The following NRXN1 variants were observed in gnomAD, a reference collection of about 807,000 sequenced individuals.
The protein encoded by NRXN1 is neurexin-1.
NRXN1 carries 39 observed loss-of-function variants against 150.9 expected under a neutral mutation model. The observed-to-expected ratio is 0.26, with a 90% CI of 0.20 to 0.34. The LOEUF (loss-of-function observed/expected upper bound fraction) is 0.34, where lower values mean the gene tolerates loss of function less well. Among genes scored for constraint, NRXN1 ranks in the 10% least tolerant of loss-of-function variants. The probability of loss-of-function intolerance (pLI) is 1.00; values close to 1 mark genes in which losing one functional copy is unlikely to be tolerated. For synonymous variants in NRXN1, 924 were observed against 757.0 expected (o/e 1.22, Z -3.62); for missense variants, 1,815 against 1,949.9 (o/e 0.93, Z 1.30).
chr2:50,904,767 A>C lies in NRXN1; in HGVS notation c.832+17102T>G, dbSNP rs1356374314. Among the ~76,000 whole-genome samples, 3 of 152,074 alleles carry C rather than the reference A, an allele frequency of 2.0e-5. No homozygotes were observed. The East Asian group carries it at 5.8e-4, about 29-fold the overall frequency. On this transcript the variant is annotated intron_variant, in intron 5 of 22. Coordinates refer to ENST00000401669, the MANE Select transcript of NRXN1 (RefSeq NM_001330078.2). ...AATTTTCATATTCCCTTTTCATTATAATCTCTATCCTGAGAACCATATTCA... is the reference window on the plus strand; with the variant it reads ...AATTTTCATATTCCCTTTTCATTATCATCTCTATCCTGAGAACCATATTCA...
At chr2:50,763,004 T>C (rs1701981236) in intron 5 of NRXN1, among the ~76,000 whole-genome samples, 1 of 151,942 alleles carries the variant, frequency 6.6e-6, no homozygotes, top group Non-Finnish European at 1.5e-5. Context: ...AATAGGCTAC[T>C]TACCTTTTGT....
intron 5 of NRXN1, among the ~76,000 whole-genome samples, chr2:50,643,507 A>G (rs1684355917): frequency 6.6e-6 from 1 of 151,882 alleles, no homozygotes; most frequent in African/African-American, 2.4e-5. Flanking sequence ...CTGACTCCAA[A>G]ATTTATAAAG....
Position 50,791,077 on chromosome 2 carries a change from G to T in NRXN1, c.832+130792C>A, listed in dbSNP as rs534687820. Among the ~76,000 whole-genome samples the T allele has an allele frequency of 3.4e-5, 5 of 149,148 alleles. No homozygotes were observed. The South Asian group carries it at 1.1e-3, about 32-fold the overall frequency. On this transcript the variant is annotated intron_variant, in intron 5 of 22. Transcript: ENST00000401669. Reference sequence around the variant, plus strand: ...ATGAAATAAACAGCAACTAAAAGTGGATTTATGTTGTTTTTTTTTTTCAGC... The same window carrying T: ...ATGAAATAAACAGCAACTAAAAGTGTATTTATGTTGTTTTTTTTTTTCAGC...
intron 5 of NRXN1, among the ~76,000 whole-genome samples, chr2:50,627,395 G>GCA (rs1553903020): frequency 0.14 from 19,985 of 138,748 alleles, 1,581 homozygotes; most frequent in Non-Finnish European, 0.18. Flanking sequence ...GTGTGTGTGT[G>GCA]CGCATACTAA....
chr2:50,200,237 C>G (rs978690244), intron 18 of NRXN1, among the ~76,000 whole-genome samples: 1 of 152,254 alleles, frequency 6.6e-6, no homozygotes, highest in South Asian at 2.1e-4. Flanking sequence ...GCCTACTAGA[C>G]TTATTTCTTG....
rs561893125 is a variant in NRXN1, at chr2:50,143,720, G to A, written c.3547-52226C>T. Among the ~76,000 whole-genome samples, 62 of 151,916 alleles carry A rather than the reference G, an allele frequency of 4.1e-4. 1 individual carries two copies. The South Asian group carries it at 0.013, about 31-fold the overall frequency. On this transcript the variant is annotated intron_variant, in intron 18 of 22. Coordinates refer to ENST00000401669, the MANE Select transcript of NRXN1 (RefSeq NM_001330078.2). ...ATCCATAGTCTGGCTTTACCCTACT[G>A]TTTCAATCATGCCTCCCACTTCTTC...
intron 5 of NRXN1, among the ~76,000 whole-genome samples, chr2:50,814,465 C>T (rs17041064): frequency 0.049 from 7,415 of 152,132 alleles, 314 homozygotes; most frequent in Admixed American, 0.14. Context: ...CTACTGCTTA[C>T]ATTTTACTTG....
intron 5 of NRXN1, among the ~76,000 whole-genome samples, chr2:50,758,520 C>T (rs1701419769): frequency 6.6e-6 from 1 of 151,832 alleles, no homozygotes; most frequent in Non-Finnish European, 1.5e-5. Flanking sequence ...GTTACGCAGG[C>T]TGGACTTAAA....
intron 8 of NRXN1, among the ~76,000 whole-genome samples, chr2:50,617,606 G>T (rs1380818013): frequency 6.6e-6 from 1 of 152,176 alleles, no homozygotes; most frequent in Non-Finnish European, 1.5e-5. Context: ...GGAAGACAGA[G>T]TTGGAAAGTG....
chr2:50,179,360 T>C (rs557835538), intron 18 of NRXN1, among the ~76,000 whole-genome samples: 3 of 152,288 alleles, frequency 2.0e-5, no homozygotes, highest in South Asian at 2.1e-4. Context: ...GCATAATTAC[T>C]GCTTTTGTTT....
In NRXN1 at chr2:50,804,876, T is replaced by C. The variant is rs552605041; in HGVS notation, c.832+116993A>G. 1.1e-4 allele frequency among the ~76,000 whole-genome samples: 17 copies of C among 152,342 alleles called. 1 individual carries two copies. The South Asian group carries it at 3.5e-3, about 32-fold the overall frequency. ...CAATATACTTTTATATCAGTAGTTG[T>C]TATCCAATGACTATGAATTTAAGTC... On this transcript the variant is annotated intron_variant, in intron 5 of 22. Transcript: ENST00000401669.
At chr2:50,350,691 C>T (rs552723302) in intron 17 of NRXN1, among the ~76,000 whole-genome samples, 13 of 152,314 alleles carry the variant, frequency 8.5e-5, no homozygotes, top group African/African-American at 3.1e-4. Context: ...TTGTGAATAA[C>T]CTTCCCAAGA....
At position 50,348,507 on chromosome 2, in the gene NRXN1, T is replaced by G. The variant is rs532300451; in HGVS notation, c.3365-111537A>C. Among the ~76,000 whole-genome samples the G allele has an allele frequency of 2.6e-5, 4 of 152,342 alleles. No homozygotes were observed. The South Asian group carries it at 8.3e-4, about 32-fold the overall frequency. On this transcript the variant is annotated intron_variant, in intron 17 of 22. Transcript: ENST00000401669. ...GAAGCCCCGCTGTGATGATCTTTGC[T>G]AACAGTGGAACTCCTCCTTTCTCTC...
At chr2:50,032,291 C>G (rs2152568570) in intron 21 of NRXN1, among the ~76,000 whole-genome samples, 1 of 152,048 alleles carries the variant, frequency 6.6e-6, no homozygotes, top group African/African-American at 2.4e-5. Context: ...CTCAGCTTTC[C>G]TGGAGAATGA....
intron 5 of NRXN1, among the ~76,000 whole-genome samples, chr2:50,809,816 C>T (rs1019219931): frequency 1.3e-5 from 2 of 152,074 alleles, no homozygotes; most frequent in African/African-American, 2.4e-5. Context: ...TTTGAGTTCA[C>T]CACCTCTCAT....
rs188357306 is a variant in NRXN1 at position 50,132,466 on chromosome 2, T to A, written c.3547-40972A>T. 1.8e-3 allele frequency among the ~76,000 whole-genome samples: 267 copies of A among 152,104 alleles called. 4 individuals are homozygous for A. Among genetic ancestry groups the A allele is most frequent in the Admixed American group, 0.015 (228 of 15,274 alleles). On this transcript the variant is annotated intron_variant, in intron 18 of 22. Coordinates refer to ENST00000401669, the MANE Select transcript of NRXN1 (RefSeq NM_001330078.2). ...GACTACAAGGGCCCGCCACCACACC[T>A]GGCTAATTTTTTATATTTTTAGTAG...
chr2:50,973,974 C>T (rs1026046882), intron 2 of NRXN1, among the ~76,000 whole-genome samples: 2 of 150,844 alleles, frequency 1.3e-5, no homozygotes, highest in African/African-American at 4.9e-5. Context: ...GCAGTCCTTG[C>T]ACTCATGAGA....
At chr2:50,338,808 T>G (rs1221680239) in intron 17 of NRXN1, among the ~76,000 whole-genome samples, 2 of 152,164 alleles carry the variant, frequency 1.3e-5, no homozygotes, top group Non-Finnish European at 2.9e-5. Flanking sequence ...ACCACACTTT[T>G]CCTGAATGTA....
At chr2:50,810,862 C>G (rs1668119969) in intron 5 of NRXN1, among the ~76,000 whole-genome samples, 1 of 151,980 alleles carries the variant, frequency 6.6e-6, no homozygotes, top group Admixed American at 6.6e-5. Context: ...CACCTGTAGT[C>G]CCAGCTACTC....
Sources: gnomAD v4.1 joint callset for allele counts (sites outside exome capture counted in the v4.1 genomes callset) on GRCh38, gnomAD v4.1.1 for gene constraint, MANE v1.5 for transcripts, NCBI Gene and HGNC (gene_info 2026-07-23, HGNC 2026-07-21) for gene names.